The following PCDHGA1 variants were observed in gnomAD, a reference collection of about 807,000 sequenced individuals.
The protein encoded by PCDHGA1 is protocadherin gamma-A1.
A neutral mutation model predicts 58.0 loss-of-function variants in PCDHGA1; 32 were observed. The observed-to-expected ratio is 0.55, with a 90% CI of 0.42 to 0.74. The LOEUF is 0.74. PCDHGA1 is among the 30% of genes least tolerant of loss of function. PCDHGA1 has a pLI of 0.00. For synonymous variants in PCDHGA1, 498 were observed against 501.1 expected, an observed-to-expected ratio of 0.99 and a Z score of 0.08; for missense variants, 1,205 against 1,182.3, an observed-to-expected ratio of 1.02 and a Z score of -0.28.
intron 1 of PCDHGA1, chr5:141,376,371 C>T: frequency 1.2e-6 from 2 of 1,614,196 alleles, no homozygotes; most frequent in African/African-American, 1.3e-5. Flanking sequence ...ACTGCAGACT[C>T]GCGTAAGAGT....
intron 1 of PCDHGA1, chr5:141,361,490 T>C (rs775139870): frequency 6.2e-7 from 1 of 1,613,998 alleles, no homozygotes; most frequent in Non-Finnish European, 8.5e-7. Context: ...GCCCCAGTTT[T>C]CCAACAGACT....
At chr5:141,356,693 G>A in intron 1 of PCDHGA1, 1 of 1,613,962 alleles carries the variant, frequency 6.2e-7, no homozygotes, top group Middle Eastern at 1.6e-4. Context: ...ACCTTCCAGG[G>A]TGCACCTCTG....
intron 1 of PCDHGA1, chr5:141,405,119 C>A: frequency 1.2e-6 from 2 of 1,614,024 alleles, no homozygotes; most frequent in South Asian, 1.1e-5. Context: ...GCACTCCTCG[C>A]ATCTGCTGCG....
At chr5:141,423,980 G>A (rs2154550577) in intron 1 of PCDHGA1, 1 of 1,110,878 alleles carries the variant, frequency 9.0e-7, no homozygotes, top group South Asian at 4.5e-5. Flanking sequence ...AGTGTATGAG[G>A]CTCTCAATTT....
chr5:141,397,438 G>A (rs1330293325), intron 1 of PCDHGA1, among the ~76,000 whole-genome samples: 5 of 152,140 alleles, frequency 3.3e-5, no homozygotes, highest in Admixed American at 2.6e-4. Context: ...CCTAATATGT[G>A]TAATATAAAA....
At position 141,486,478 on chromosome 5, in the gene PCDHGA1, C is replaced by T; in HGVS notation, c.2422-8329C>T. The T allele has an allele frequency of 2.5e-6, 4 of 1,614,026 alleles. No homozygotes were observed. The highest frequency in any genetic ancestry group is 3.4e-6 in the Non-Finnish European group (4 of 1,179,854). On this transcript the variant is annotated intron_variant, in intron 1 of 3. Transcript: ENST00000517417. The surrounding 1 kb of genome is among the most constrained non-coding windows in gnomAD (Gnocchi z 5.0). ...CTTCTGATGCTGGGAACCCTCCTCT[C>T]AGTACCCACAGAACTATTTTCCTCA...
chr5:141,376,090 C>T (rs372887480), intron 1 of PCDHGA1: 11 of 1,613,674 alleles, frequency 6.8e-6, no homozygotes, highest in Admixed American at 1.7e-5. Context: ...ACAGGATCCC[C>T]GACATCCTGG....
At chr5:141,375,107 G>A in intron 1 of PCDHGA1, 1 of 1,613,962 alleles carries the variant, frequency 6.2e-7, no homozygotes, top group South Asian at 1.1e-5. Flanking sequence ...GGATGTCAAT[G>A]ATAATGTACC....
At position 141,331,840 on chromosome 5, in the gene PCDHGA1, A is replaced by C. The variant is rs911221552; in HGVS notation, c.1156A>C (p.Ile386Leu). 7 of 1,614,178 alleles carry C rather than the reference A, an allele frequency of 4.3e-6. No individual in the cohort carries two copies. Among genetic ancestry groups the C allele is most frequent in the Non-Finnish European group, 5.9e-6 (7 of 1,180,030 alleles). ...AGACAATGGCTACACCACATGTTTC[A>C]TTCCTGGAAATTTACCCTTTAAATT... ...SGDNGYTTCF[I>L]PGNLPFKLEK... Residue 386 changes from isoleucine to leucine, a missense_variant, in exon 1 of 4, where the codon ATT becomes CTT. Coordinates refer to ENST00000517417, the MANE Select transcript of PCDHGA1 (RefSeq NM_018912.3).
Position 141,432,466 on chromosome 5 carries a change from G to A in PCDHGA1, c.2422-62341G>A, listed in dbSNP as rs149116648. 5.7e-4 allele frequency: 913 copies of A among 1,614,208 alleles called. 6 individuals carry two copies. In the African/African-American group the frequency reaches 0.011, roughly 19 times the overall value. On this transcript the variant is annotated intron_variant, in intron 1 of 3. Transcript: ENST00000517417. This position sits in a 1 kb window ranked among gnomAD's most constrained non-coding sequence, Gnocchi z 6.0. The stretch of plus-strand genomic sequence containing the variant: ...AGATCCTGTACCCCGCCCTCCCCAC[G>A]GACGGTTCCACTGGCGTGGAGCTGG...
intron 1 of PCDHGA1, among the ~76,000 whole-genome samples, chr5:141,358,460 G>C (rs1316337795): frequency 1.3e-5 from 2 of 152,076 alleles, no homozygotes; most frequent in Non-Finnish European, 2.9e-5. Context: ...AAGAATACTG[G>C]CAATTTGTGA....
At chr5:141,339,509 C>T in intron 1 of PCDHGA1, 1 of 1,614,144 alleles carries the variant, frequency 6.2e-7, no homozygotes, top group Non-Finnish European at 8.5e-7. Context: ...CCACTTCTCC[C>T]TGGACGTGCG....
chr5:141,464,911 T>G (rs2099093002), intron 1 of PCDHGA1, among the ~76,000 whole-genome samples: 1 of 151,718 alleles, frequency 6.6e-6, no homozygotes, highest in Non-Finnish European at 1.5e-5. Context: ...GCTAATTTTT[T>G]TATTTTTTTG....
At position 141,361,977 on chromosome 5, in the gene PCDHGA1, C is replaced by T. The variant is rs531760752; in HGVS notation, c.2421+28872C>T. 296 of 1,601,658 alleles carry T rather than the reference C, an allele frequency of 1.8e-4. No individual in the cohort carries two copies. The Admixed American group carries it at 4.9e-3, about 27-fold the overall frequency. Reference sequence around the variant, plus strand: ...ACCACGTGCTGCAGGCCAGCGAGCCCGGGCTCTTCAGCCTGGGGTTGCGCA... The same window carrying T: ...ACCACGTGCTGCAGGCCAGCGAGCCTGGGCTCTTCAGCCTGGGGTTGCGCA... On this transcript the variant is annotated intron_variant, in intron 1 of 3. Transcript: ENST00000517417.
chr5:141,469,753 T>C (rs564585597), intron 1 of PCDHGA1, among the ~76,000 whole-genome samples: 1 of 152,322 alleles, frequency 6.6e-6, no homozygotes, highest in East Asian at 1.9e-4. Flanking sequence ...ATTACAAAAA[T>C]ACATATATAC....
At chr5:141,457,280 A>T (rs964027392) in intron 1 of PCDHGA1, among the ~76,000 whole-genome samples, 1 of 152,196 alleles carries the variant, frequency 6.6e-6, no homozygotes, top group Non-Finnish European at 1.5e-5. Flanking sequence ...TGGGCCTACG[A>T]AGTTCCTTGG....
At chr5:141,415,828 G>A (rs1178303711) in intron 1 of PCDHGA1, 4 of 1,293,274 alleles carry the variant, frequency 3.1e-6, no homozygotes, top group Non-Finnish European at 3.0e-6. Flanking sequence ...ATAAGGCTTT[G>A]TTATGATTAG....
intron 1 of PCDHGA1, chr5:141,377,130 G>A (rs1432999287): frequency 6.6e-6 from 1 of 152,218 alleles, no homozygotes; most frequent in Non-Finnish European, 1.5e-5. Flanking sequence ...TTAATTTTGT[G>A]GGGGAAAATA....
intron 1 of PCDHGA1, chr5:141,414,532 C>T (rs747661760): frequency 1.9e-6 from 3 of 1,613,930 alleles, no homozygotes; most frequent in Admixed American, 3.3e-5. Flanking sequence ...CAATGACAAC[C>T]CACCTACCTT....
Sources: gnomAD v4.1 joint callset for allele counts (sites outside exome capture counted in the v4.1 genomes callset) on GRCh38, gnomAD v4.1.1 for gene constraint, Gnocchi (gnomAD v3.1) non-coding constraint, MANE v1.5 for transcripts, NCBI Gene and HGNC (gene_info 2026-07-23, HGNC 2026-07-21) for gene names.